The following CASS4 variants were observed in gnomAD, a reference collection of about 807,000 sequenced individuals.
CASS4 encodes the protein cas scaffolding protein family member 4.
In CASS4, 22 loss-of-function variants were observed where a neutral mutation model predicts 54.2. The observed-to-expected ratio is 0.41, with a 90% CI of 0.29 to 0.58. The LOEUF is 0.58. Among genes scored for constraint, CASS4 ranks in the 20% least tolerant of loss-of-function variants. The pLI is 0.36. For missense variants in CASS4, 854 were observed against 986.7 expected, an observed-to-expected ratio of 0.87 and a Z score of 1.80; for synonymous variants, 409 against 391.5, an observed-to-expected ratio of 1.04 and a Z score of -0.53.
At chr20:56,447,222 C>A (rs1980761560) in intron 3 of CASS4, among the ~76,000 whole-genome samples, 1 of 147,652 alleles carries the variant, frequency 6.8e-6, no homozygotes, top group African/African-American at 2.5e-5. Flanking sequence ...AAAAAAAAAT[C>A]AAAATCAAAA....
rs561641423 is a variant in CASS4, at chr20:56,427,280, A to AT, written c.37-9879dup. Among the ~76,000 whole-genome samples, 219 of 151,084 alleles carry AT rather than the reference A, an allele frequency of 1.4e-3. 1 individual carries two copies. Among genetic ancestry groups the AT allele is most frequent in the Middle Eastern group, 3.5e-3 (1 of 288 alleles). On this transcript the variant is annotated intron_variant, in intron 1 of 5. Transcript: ENST00000679887. ...AGAAGAAGTGTCTGTAGATACTTTGATTTTTCCTCAGGTTGTCCTTCCTCC... is the reference window on the plus strand; with the variant it reads ...AGAAGAAGTGTCTGTAGATACTTTGATTTTTTCCTCAGGTTGTCCTTCCTCC...
At chr20:56,425,889 A>G (rs1456517220) in intron 1 of CASS4, among the ~76,000 whole-genome samples, 2 of 152,198 alleles carry the variant, frequency 1.3e-5, no homozygotes, top group Admixed American at 1.3e-4. Flanking sequence ...AAGATGCTAT[A>G]CTTATAAAAG....
chr20:56,450,708 T>G (rs765282389), intron 4 of CASS4, 29 bp downstream of exon 4: 2 of 1,599,096 alleles, frequency 1.3e-6, no homozygotes, highest in African/African-American at 1.3e-5. Flanking sequence ...TAAGGTGCGG[T>G]GTTATGAACA....
intron 1 of CASS4, among the ~76,000 whole-genome samples, chr20:56,419,631 A>G (rs1451175182): frequency 6.6e-6 from 1 of 151,832 alleles, no homozygotes; most frequent in East Asian, 1.9e-4. Context: ...TTTTTTCACC[A>G]TGTTGCCCAG....
chr20:56,420,318 C>T (rs1979352121), intron 1 of CASS4, among the ~76,000 whole-genome samples: 1 of 152,104 alleles, frequency 6.6e-6, no homozygotes, highest in African/African-American at 2.4e-5. Context: ...AGGGTCATCC[C>T]TGTGTCTTGG....
chr20:56,448,050 G>A (rs1432037472), intron 3 of CASS4, among the ~76,000 whole-genome samples: 2 of 151,840 alleles, frequency 1.3e-5, no homozygotes, highest in Non-Finnish European at 2.9e-5. Flanking sequence ...GCTGAGGCAG[G>A]AGAGTGGCGT....
At chr20:56,457,124 A>G (rs1981337723) in intron 5 of CASS4, among the ~76,000 whole-genome samples, 1 of 152,198 alleles carries the variant, frequency 6.6e-6, no homozygotes. Flanking sequence ...GCTTCTTCGA[A>G]GTATGCCTTC....
intron 1 of CASS4, among the ~76,000 whole-genome samples, chr20:56,431,470 G>C (rs183162861): frequency 5.8e-4 from 88 of 152,334 alleles, no homozygotes; most frequent in African/African-American, 1.9e-3. Flanking sequence ...GAGGGGAATC[G>C]TGTTATGGCA....
intron 2 of CASS4, among the ~76,000 whole-genome samples, chr20:56,438,750 G>A (rs146799788): frequency 2.0e-3 from 311 of 152,246 alleles, no homozygotes; most frequent in African/African-American, 7.0e-3. Flanking sequence ...CCAGCTACTC[G>A]GGAGACTGAG....
intron 1 of CASS4, among the ~76,000 whole-genome samples, chr20:56,421,816 T>C (rs1979424918): frequency 6.6e-6 from 1 of 151,152 alleles, no homozygotes; most frequent in Admixed American, 6.6e-5. Context: ...ATGCCTTTCC[T>C]CACTTTTTTC....
At chr20:56,424,501 G>T (rs189499511) in intron 1 of CASS4, among the ~76,000 whole-genome samples, 8 of 152,224 alleles carry the variant, frequency 5.3e-5, no homozygotes, top group African/African-American at 1.4e-4. Context: ...AGCACTTTGG[G>T]AGGTCAAGGC....
intron 3 of CASS4, among the ~76,000 whole-genome samples, chr20:56,446,650 C>T (rs1031451756): frequency 3.9e-5 from 6 of 152,054 alleles, no homozygotes; most frequent in Admixed American, 1.3e-4. Flanking sequence ...AAATGCTCTG[C>T]GGTGGCGTTC....
At chr20:56,433,481 A>G (rs1425784514) in intron 1 of CASS4, among the ~76,000 whole-genome samples, 1 of 152,206 alleles carries the variant, frequency 6.6e-6, no homozygotes, top group African/African-American at 2.4e-5. Flanking sequence ...GGCTTTGTCC[A>G]AAGGGTAATA....
rs1206041032 is a variant in CASS4 at position 56,430,124 on chromosome 20, G to C, written c.37-7040G>C. ...GAATGAATGAATGAATTGCTCCCCAGATTTCTCCAAGTGCAGCTAAGACCA... is the reference window on the plus strand; with the variant it reads ...GAATGAATGAATGAATTGCTCCCCACATTTCTCCAAGTGCAGCTAAGACCA... On this transcript the variant is annotated intron_variant, in intron 1 of 5. Transcript: ENST00000679887. This position sits in a 1 kb window ranked among gnomAD's most constrained non-coding sequence, Gnocchi z 4.2. Among the ~76,000 whole-genome samples the C allele has an allele frequency of 6.6e-6, 1 of 152,168 alleles. No homozygotes were observed. The highest frequency in any genetic ancestry group is 1.5e-5 in the Non-Finnish European group (1 of 68,026).
At chr20:56,453,520 C>T (rs913358608) in intron 5 of CASS4, 15 of 168,320 alleles carry the variant, frequency 8.9e-5, no homozygotes, top group Non-Finnish European at 1.7e-4. Flanking sequence ...TTCTTAGCAA[C>T]GAAAGAGGAA....
intron 1 of CASS4, among the ~76,000 whole-genome samples, chr20:56,436,847 G>A (rs750785424): frequency 1.4e-4 from 22 of 152,022 alleles, no homozygotes; most frequent in African/African-American, 5.3e-4. Flanking sequence ...AGATTTCACC[G>A]CTGCACTCCA....
chr20:56,452,288 A>G lies in CASS4; in HGVS notation c.1112A>G (p.Glu371Gly), dbSNP rs1390970453. The G allele has an allele frequency of 1.2e-6, 2 of 1,613,766 alleles. No homozygotes were observed. The highest frequency in any genetic ancestry group is 1.7e-6 in the Non-Finnish European group (2 of 1,180,020). ...QAGKELEKAK[E>G]VSENSAGHNS... is the part of the protein sequence containing the mutation. ...GGGAAGGAGCTGGAGAAAGCCAAGG[A>G]GGTGTCAGAGAATTCCGCGGGCCAT... The change falls in exon 5 of 6, where the codon GAG becomes GGG. Residue 371 changes from glutamate to glycine, a missense_variant. Physicochemically the swap from Glu to Gly is moderately conservative, Grantham distance 98 (BLOSUM62 -2). Coordinates refer to ENST00000679887, the MANE Select transcript of CASS4 (RefSeq NM_020356.4).
In CASS4 at chr20:56,437,346, G is replaced by T. The variant is rs760473733; in HGVS notation, c.219G>T (p.Glu73Asp). ...APANRLQILT[E>D]VAADRPCPPF... ...CCAACCGCCTCCAAATCCTCACGGA[G>T]GTCGCTGCAGACAGGCCGTGCCCCC... Residue 73 changes from glutamate to aspartate, a missense_variant, in exon 2 of 6, where the codon GAG becomes GAT. Glu to Asp is a conservative substitution (Grantham distance 45). Coordinates refer to ENST00000679887, the MANE Select transcript of CASS4 (RefSeq NM_020356.4). The surrounding 1 kb of genome is among the most constrained non-coding windows in gnomAD (Gnocchi z 4.7). 2 of 1,614,082 alleles carry T rather than the reference G, an allele frequency of 1.2e-6. No homozygotes were observed. Among genetic ancestry groups the T allele is most frequent in the South Asian group, 1.1e-5 (1 of 91,052 alleles).
At chr20:56,417,132 A>T (rs1279546579) in intron 1 of CASS4, among the ~76,000 whole-genome samples, 5 of 152,228 alleles carry the variant, frequency 3.3e-5, no homozygotes, top group African/African-American at 1.2e-4. Context: ...GGCTTGCTTC[A>T]GTGCTTCTGG....
Sources: gnomAD v4.1 joint callset for allele counts (sites outside exome capture counted in the v4.1 genomes callset) on GRCh38, gnomAD v4.1.1 for gene constraint, Gnocchi (gnomAD v3.1) non-coding constraint, MANE v1.5 for transcripts, NCBI Gene and HGNC (gene_info 2026-07-23, HGNC 2026-07-21) for gene names.